Variants in FRMPD4 observed in about 807,000 individuals in gnomAD.
FRMPD4 encodes the protein FERM and PDZ domain containing 4, also known as FERM and PDZ domain-containing protein 4.
Under a neutral mutation model 94.1 loss-of-function variants are expected in FRMPD4, and 22 were observed. The observed-to-expected ratio is 0.23, with a 90% CI of 0.17 to 0.33. The LOEUF (loss-of-function observed/expected upper bound fraction) is 0.33, where lower values mean the gene tolerates loss of function less well. Ranked by LOEUF, FRMPD4 falls within the 10% of genes least tolerant of loss-of-function variation. The pLI is 1.00. For missense variants in FRMPD4, 1,111 were observed against 1,339.9 expected, an observed-to-expected ratio of 0.83 and a Z score of 2.67; for synonymous variants, 631 against 548.6, an observed-to-expected ratio of 1.15 and a Z score of -2.10.
intron 3 of FRMPD4, among the ~76,000 whole-genome samples, chrX:11,990,406 G>A (rs188105687): frequency 3.4e-4 from 38 of 112,016 alleles, no homozygotes; most frequent in African/African-American, 1.1e-3. Flanking sequence ...CATTGTTAAT[G>A]TACTAAACCT....
intron 2 of FRMPD4, among the ~76,000 whole-genome samples, chrX:12,562,495 C>T (rs1244239237): frequency 1.8e-5 from 2 of 112,558 alleles, no homozygotes; most frequent in African/African-American, 6.5e-5. Context: ...TTCATGATCT[C>T]TGAGGAACTC....
rs368897402 is a variant in FRMPD4 at position 11,999,427 on chromosome X, C to T, written c.95+121409C>T. 9.8e-5 allele frequency among the ~76,000 whole-genome samples: 11 copies of T among 112,341 alleles called. No individual in the cohort carries two copies. In the East Asian group the frequency reaches 2.5e-3, roughly 26 times the overall value. On this transcript the variant is annotated intron_variant, in intron 3 of 18. Coordinates refer to the FRMPD4 transcript ENST00000640291. ...GAAACAGCACAGTCTCATAAATTAA[C>T]ATGGAGTATTAATAATGAAACAGTA...
chrX:12,475,233 G>A (rs2057578435), intron 1 of FRMPD4, among the ~76,000 whole-genome samples: 1 of 112,111 alleles, frequency 8.9e-6, no homozygotes, highest in Non-Finnish European at 1.9e-5. Context: ...CTCAATAGAT[G>A]CAGAAAAGGC....
chrX:12,640,212 T>G (rs1170755765), intron 4 of FRMPD4, among the ~76,000 whole-genome samples: 2 of 103,068 alleles, frequency 1.9e-5, no homozygotes, highest in African/African-American at 7.3e-5. Context: ...GGCACGAGAA[T>G]TGCTTGAACC....
chrX:12,000,087 T>G (rs1457971568), intron 3 of FRMPD4, among the ~76,000 whole-genome samples: 4 of 112,369 alleles, frequency 3.6e-5, no homozygotes, highest in Non-Finnish European at 5.6e-5. Context: ...TTATTACTTT[T>G]TTAATTATAC....
chrX:12,057,458 T>C (rs1269885001), intron 3 of FRMPD4, among the ~76,000 whole-genome samples: 1 of 111,994 alleles, frequency 8.9e-6, no homozygotes. Flanking sequence ...TGAGATATTC[T>C]AAGAGAATGT....
intron 1 of FRMPD4, among the ~76,000 whole-genome samples, chrX:12,422,399 C>A (rs181018310): frequency 8.9e-6 from 1 of 112,341 alleles, no homozygotes; most frequent in East Asian, 2.8e-4. Flanking sequence ...TCCTATTCAT[C>A]TGAAAAATGG....
At chrX:11,931,597 T>A (rs1435592895) in intron 3 of FRMPD4, among the ~76,000 whole-genome samples, 1 of 112,266 alleles carries the variant, frequency 8.9e-6, no homozygotes, top group Non-Finnish European at 1.9e-5. Context: ...AAACTGCTAG[T>A]ACCCTTAAAA....
At chrX:12,358,738 C>A (rs1475236822) in intron 1 of FRMPD4, among the ~76,000 whole-genome samples, 1 of 111,734 alleles carries the variant, frequency 8.9e-6, no homozygotes, top group Non-Finnish European at 1.9e-5. Flanking sequence ...AAGGAGAATT[C>A]AATTCTAGTT....
At position 12,067,279 on chromosome X, in the gene FRMPD4, G is replaced by A. The variant is rs772384507; in HGVS notation, c.95+189261G>A. Among the ~76,000 whole-genome samples, 6 of 111,201 alleles carry A rather than the reference G, an allele frequency of 5.4e-5. No individual in the cohort carries two copies. The East Asian group carries it at 1.1e-3, about 21-fold the overall frequency. On this transcript the variant is annotated intron_variant, in intron 3 of 18. Transcript: ENST00000640291. The stretch of plus-strand genomic sequence containing the variant: ...GATAGCCACCGCACCTTTGATCCCC[G>A]GTTCTCCACTGGCTTGCAGACATTA...
chrX:12,086,069 GTC>G (rs2055106860), intron 3 of FRMPD4, among the ~76,000 whole-genome samples: 2 of 83,603 alleles, frequency 2.4e-5, no homozygotes, highest in African/African-American at 4.1e-5. Flanking sequence ...ATCTGCCTGT[GTC>G]TGTGTGCGTG....
chrX:12,710,388 C>T lies in FRMPD4; in HGVS notation c.1471-11C>T, dbSNP rs773873977. On this transcript the variant is annotated splice_polypyrimidine_tract_variant and intron_variant, in intron 13 of 16. Transcript: ENST00000675598. Reference sequence around the variant, plus strand: ...TGGATGGCTTTAACCAAAGTGTTCTCTTTTGTGTAGCCTATCACGCTTCTG... The same window carrying T: ...TGGATGGCTTTAACCAAAGTGTTCTTTTTTGTGTAGCCTATCACGCTTCTG... 5.0e-6 allele frequency: 6 copies of T among 1,196,200 alleles called. No individual in the cohort carries two copies. In the South Asian group the frequency reaches 1.1e-4, roughly 22 times the overall value.
intron 4 of FRMPD4, among the ~76,000 whole-genome samples, chrX:12,631,192 G>A (rs1047238399): frequency 8.1e-5 from 9 of 111,412 alleles, no homozygotes; most frequent in African/African-American, 2.3e-4. Flanking sequence ...GGCAGTGCAG[G>A]GAGCAGTTTG....
intron 3 of FRMPD4, among the ~76,000 whole-genome samples, chrX:11,904,414 T>C (rs1190036580): frequency 2.7e-5 from 3 of 112,154 alleles, no homozygotes; most frequent in Non-Finnish European, 1.9e-5. Context: ...TCGAGTCCTG[T>C]TTATCCTTGA....
At chrX:12,625,755 T>C (rs1269951302) in intron 4 of FRMPD4, among the ~76,000 whole-genome samples, 1 of 111,708 alleles carries the variant, frequency 9.0e-6, no homozygotes, top group African/African-American at 3.3e-5. Flanking sequence ...AACAGTAATC[T>C]ATTGTATATT....
chrX:12,562,057 T>G (rs2058665094), intron 2 of FRMPD4, among the ~76,000 whole-genome samples: 1 of 112,032 alleles, frequency 8.9e-6, no homozygotes, highest in African/African-American at 3.2e-5. Flanking sequence ...CAATTCAGTC[T>G]CTTGAAGTAA....
At chrX:11,945,331 T>C (rs1319050022) in intron 3 of FRMPD4, among the ~76,000 whole-genome samples, 1 of 112,185 alleles carries the variant, frequency 8.9e-6, no homozygotes, top group Non-Finnish European at 1.9e-5. Flanking sequence ...AGTTATGTCA[T>C]ATTTAATAAA....
intron 3 of FRMPD4, among the ~76,000 whole-genome samples, chrX:12,102,664 T>C (rs2055265241): frequency 9.0e-6 from 1 of 111,642 alleles, no homozygotes; most frequent in Non-Finnish European, 1.9e-5. Flanking sequence ...ACATGTGTTT[T>C]AGTTATCTAA....
chrX:12,128,422 G>C (rs889887941), intron 3 of FRMPD4, among the ~76,000 whole-genome samples: 5 of 112,123 alleles, frequency 4.5e-5, no homozygotes, highest in African/African-American at 1.6e-4. Context: ...GGGATGCAGG[G>C]CACCATGTCC....
Sources: gnomAD v4.1 joint callset for allele counts (sites outside exome capture counted in the v4.1 genomes callset) on GRCh38, gnomAD v4.1.1 for gene constraint, MANE v1.5 for transcripts, NCBI Gene and HGNC (gene_info 2026-07-23, HGNC 2026-07-21) for gene names.